The following PRKCE variants were observed in gnomAD, a reference collection of about 807,000 sequenced individuals.
PRKCE encodes the protein protein kinase C epsilon type.
Under a neutral mutation model 85.4 loss-of-function variants are expected in PRKCE, and 16 were observed. The observed-to-expected ratio is 0.19, with a 90% CI of 0.13 to 0.28. PRKCE has a LOEUF of 0.28. PRKCE is among the 10% of genes least tolerant of loss of function. The pLI is 1.00. For synonymous variants in PRKCE, 388 were observed against 371.5 expected, an observed-to-expected ratio of 1.04 and a Z score of -0.51; for missense variants, 573 against 975.2, an observed-to-expected ratio of 0.59 and a Z score of 5.49.
chr2:45,929,963 C>G (rs541694516), intron 2 of PRKCE, among the ~76,000 whole-genome samples: 1 of 152,234 alleles, frequency 6.6e-6, no homozygotes, highest in Non-Finnish European at 1.5e-5. Context: ...CAAGATGGCA[C>G]CAAATATATG....
At chr2:46,070,381 T>G (rs2034361) in intron 10 of PRKCE, among the ~76,000 whole-genome samples, 1 of 152,300 alleles carries the variant, frequency 6.6e-6, no homozygotes, top group Admixed American at 6.5e-5. Flanking sequence ...CGGTGGCGCA[T>G]GCCTGTAATC....
intron 5 of PRKCE, among the ~76,000 whole-genome samples, chr2:45,980,777 G>A (rs1259428857): frequency 6.6e-6 from 1 of 152,032 alleles, no homozygotes; most frequent in Non-Finnish European, 1.5e-5. Context: ...ATGGGGGAGT[G>A]GTGTGGAATG....
chr2:45,779,603 TAAA>T (rs747138886), intron 1 of PRKCE, among the ~76,000 whole-genome samples: 6 of 114,346 alleles, frequency 5.2e-5, no homozygotes, highest in African/African-American at 3.0e-5. Flanking sequence ...TATATTAAAG[TAAA>T]AAAAAAAAAA....
intron 2 of PRKCE, among the ~76,000 whole-genome samples, chr2:45,903,090 A>T (rs1696692351): frequency 6.6e-6 from 1 of 152,206 alleles, no homozygotes; most frequent in South Asian, 2.1e-4. Flanking sequence ...AAATGATTTC[A>T]CTTCAGTATG....
chr2:46,029,029 A>C (rs1023670633), intron 10 of PRKCE, among the ~76,000 whole-genome samples: 1 of 152,176 alleles, frequency 6.6e-6, no homozygotes, highest in Non-Finnish European at 1.5e-5. Context: ...CATGGTGTGT[A>C]TATACCACAT....
rs79452669 is a variant in PRKCE at position 45,651,980 on chromosome 2, T to A, written c.-121T>A. On this transcript the variant is annotated 5_prime_UTR_variant, in exon 1 of 15. Transcript: ENST00000306156. Reference sequence around the variant, plus strand: ...GCAACGCCACAAGGTGTAGGGAGTGTGCGGGGTGGGGCGAAAGGGGACCCA... The same window carrying A: ...GCAACGCCACAAGGTGTAGGGAGTGAGCGGGGTGGGGCGAAAGGGGACCCA... The A allele has an allele frequency of 7.7e-5, 59 of 765,116 alleles. No homozygotes were observed. The East Asian group carries it at 1.5e-3, about 20-fold the overall frequency. The allele number at this position is 765,116 out of a possible 1,614,324, so 47.4% of individuals were successfully genotyped here.
intron 5 of PRKCE, 66 bp from the exon 6 acceptor site, chr2:45,984,485 C>G (rs202160336): frequency 4.0e-4 from 620 of 1,564,236 alleles, no homozygotes; most frequent in Admixed American, 7.1e-4. Flanking sequence ...TTTGAGAGTT[C>G]CGTTGACAAG....
intron 1 of PRKCE, among the ~76,000 whole-genome samples, chr2:45,755,978 C>G (rs139948468): frequency 3.9e-5 from 6 of 152,296 alleles, no homozygotes; most frequent in African/African-American, 1.4e-4. Flanking sequence ...TCAGAGGAGA[C>G]TTTGCATCCC....
At chr2:45,920,338 G>A (rs902489081) in intron 2 of PRKCE, among the ~76,000 whole-genome samples, 2 of 152,164 alleles carry the variant, frequency 1.3e-5, no homozygotes, top group African/African-American at 2.4e-5. Flanking sequence ...TGGTGCAGAC[G>A]CTTTGGAAGA....
rs1004460078 is a variant in PRKCE, at chr2:45,774,271, T to A, written c.349-68729T>A. Among the ~76,000 whole-genome samples, 14 of 152,148 alleles carry A rather than the reference T, an allele frequency of 9.2e-5. No homozygotes were observed. The highest frequency in any genetic ancestry group is 2.1e-4 in the Non-Finnish European group (14 of 68,022). On this transcript the variant is annotated intron_variant, in intron 1 of 14. Coordinates refer to ENST00000306156, the MANE Select transcript of PRKCE (RefSeq NM_005400.3). The surrounding 1 kb of genome is among the most constrained non-coding windows in gnomAD (Gnocchi z 4.3). ...CTCTCTCAGCAGCTGCTTCACAGCC[T>A]CACGGGAGGTGATCGGACACCAGCC...
chr2:46,026,155 C>T (rs1707094274), intron 10 of PRKCE, among the ~76,000 whole-genome samples: 1 of 152,180 alleles, frequency 6.6e-6, no homozygotes, highest in Non-Finnish European at 1.5e-5. Context: ...CCCCTTTCTC[C>T]TTGGTAGGAA....
rs70937991 is a variant in PRKCE, at chr2:46,123,214, C to CTTTTTTTTTTTTTTTTTTTT, written c.1593-21869_1593-21850dup. On this transcript the variant is annotated intron_variant, in intron 11 of 14. Coordinates refer to ENST00000306156, the MANE Select transcript of PRKCE (RefSeq NM_005400.3). ...AAGCTTTACAAAGGAAAACACTTGC[C>CTTTTTTTTTTTTTTTTTTTT]TTTTTTTTTTTTTTTTTTTTTTTTT... 7.6e-3 allele frequency among the ~76,000 whole-genome samples: 208 copies of CTTTTTTTTTTTTTTTTTTTT among 27,372 alleles called. 49 individuals are homozygous for CTTTTTTTTTTTTTTTTTTTT. Among genetic ancestry groups the CTTTTTTTTTTTTTTTTTTTT allele is most frequent in the Non-Finnish European group, 0.01 (153 of 15,116 alleles). The allele number at this position is 27,372 out of a possible 152,430, so 18.0% of individuals were successfully genotyped here.
intron 10 of PRKCE, among the ~76,000 whole-genome samples, chr2:46,018,508 C>A (rs977447489): frequency 6.6e-6 from 1 of 152,174 alleles, no homozygotes; most frequent in African/African-American, 2.4e-5. Flanking sequence ...CTTCTGGCCT[C>A]TATACAGTGC....
chr2:45,957,810 G>A (rs1394004355), intron 2 of PRKCE, among the ~76,000 whole-genome samples: 4 of 152,096 alleles, frequency 2.6e-5, no homozygotes, highest in African/African-American at 9.7e-5. Context: ...TACTTGGGAG[G>A]TTGAGGTGGA....
Position 45,969,799 on chromosome 2 carries a change from T to C in PRKCE, c.413-6630T>C, listed in dbSNP as rs368356130. On this transcript the variant is annotated intron_variant, in intron 2 of 14. Transcript: ENST00000306156. ...CTAGTGGAGCGCCGTTCTTACGTTA[T>C]CTTCAGCCTGCAAATTTGCTTGACA... 7.9e-5 allele frequency among the ~76,000 whole-genome samples: 12 copies of C among 152,374 alleles called. 1 individual carries two copies. Among genetic ancestry groups the C allele is most frequent in the African/African-American group, 2.9e-4 (12 of 41,592 alleles).
At chr2:46,179,493 A>T (rs1250858191) in intron 14 of PRKCE, among the ~76,000 whole-genome samples, 1 of 152,038 alleles carries the variant, frequency 6.6e-6, no homozygotes, top group Non-Finnish European at 1.5e-5. Context: ...GACACCAAAA[A>T]TGTGCCCTTC....
intron 6 of PRKCE, among the ~76,000 whole-genome samples, chr2:45,987,210 G>T (rs568646730): frequency 5.9e-5 from 9 of 152,268 alleles, no homozygotes; most frequent in South Asian, 2.1e-4. Context: ...TTCAGCTCTT[G>T]TTGGGCAGGA....
At chr2:46,180,522 A>G (rs1275276356) in intron 14 of PRKCE, among the ~76,000 whole-genome samples, 1 of 152,214 alleles carries the variant, frequency 6.6e-6, no homozygotes, top group East Asian at 1.9e-4. Context: ...CAGGATTTGG[A>G]GGCACAGAAA....
chr2:46,059,301 A>G (rs981023071), intron 10 of PRKCE, among the ~76,000 whole-genome samples: 3 of 152,088 alleles, frequency 2.0e-5, no homozygotes, highest in Admixed American at 6.5e-5. Flanking sequence ...ACCCTCCAAA[A>G]ATCACTTTTA....
Sources: allele counts gnomAD v4.1 joint callset (sites outside exome capture counted in the v4.1 genomes callset), GRCh38; gene constraint gnomAD v4.1.1; non-coding constraint Gnocchi (gnomAD v3.1); transcripts MANE v1.5; gene names NCBI Gene and HGNC (gene_info 2026-07-23, HGNC 2026-07-21).